Variants in WDR64 observed in about 807,000 individuals in gnomAD.
WDR64 encodes the protein WD repeat domain 64, also known as WD repeat-containing protein 64.
A neutral mutation model predicts 139.3 loss-of-function variants in WDR64; 112 were observed. The observed-to-expected ratio is 0.80, with a 90% CI of 0.69 to 0.94. The LOEUF is 0.94. Among genes scored for constraint, WDR64 ranks in the 40% least tolerant of loss-of-function variants. WDR64 has a pLI of 0.00. For missense variants in WDR64, 1,206 were observed against 1,293.1 expected, an observed-to-expected ratio of 0.93 and a Z score of 1.03; for synonymous variants, 444 against 437.7, an observed-to-expected ratio of 1.01 and a Z score of -0.18.
At chr1:241,767,277 A>G (rs570584612) in intron 16 of WDR64, among the ~76,000 whole-genome samples, 9 of 152,054 alleles carry the variant, frequency 5.9e-5, no homozygotes, top group Admixed American at 5.2e-4. Flanking sequence ...CTCTCAACCA[A>G]TTAGATTTAC....
intron 9 of WDR64, among the ~76,000 whole-genome samples, chr1:241,722,316 T>C (rs1221621493): frequency 6.6e-6 from 1 of 152,188 alleles, no homozygotes; most frequent in Non-Finnish European, 1.5e-5. Context: ...AATATATCAT[T>C]GATGGCCTTG....
intron 15 of WDR64, among the ~76,000 whole-genome samples, chr1:241,765,494 C>A (rs1421890901): frequency 1.3e-5 from 2 of 152,124 alleles, no homozygotes; most frequent in Non-Finnish European, 2.9e-5. Context: ...AGAGACACAG[C>A]AAAACCAGCA....
At chr1:241,676,487 C>A (rs571043033) in intron 4 of WDR64, 3 of 152,128 alleles carry the variant, frequency 2.0e-5, no homozygotes, top group Admixed American at 6.5e-5. Flanking sequence ...TCTTTTGTTA[C>A]CTTTATTACC....
At chr1:241,790,063 T>C (rs1028047213) in intron 24 of WDR64, among the ~76,000 whole-genome samples, 1 of 152,084 alleles carries the variant, frequency 6.6e-6, no homozygotes, top group East Asian at 1.9e-4. Context: ...TTTAAATACA[T>C]GAAATGGCCG....
rs1244724600 is a variant in WDR64 at position 241,711,863 on chromosome 1, A to T, written c.1036A>T (p.Asn346Tyr). The T allele has an allele frequency of 4.3e-6, 7 of 1,614,188 alleles. No homozygotes were observed. Among genetic ancestry groups the T allele is most frequent in the Non-Finnish European group, 5.9e-6 (7 of 1,180,034 alleles). ...ANTFCYCVKA[N>Y]VIVTGGDDKV... ...CACTTTTTGCTACTGTGTTAAGGCA[A>T]ATGTGATTGTCACTGGAGGTGAGAG... The change falls in exon 9 of 28, where the codon AAT (asparagine) becomes TAT (tyrosine). Residue 346 changes from asparagine (N) to tyrosine (Y), a missense_variant. By Grantham distance (143) the Asn-to-Tyr change is moderately radical. Transcript: ENST00000437684.
intron 8 of WDR64, among the ~76,000 whole-genome samples, chr1:241,701,286 A>G (rs61825800): frequency 0.077 from 11,645 of 151,634 alleles, 625 homozygotes; most frequent in South Asian, 0.14. Flanking sequence ...GCGCACACAC[A>G]CACACACACT....
chr1:241,691,282 C>T (rs1008938072), intron 8 of WDR64, among the ~76,000 whole-genome samples: 3 of 152,048 alleles, frequency 2.0e-5, no homozygotes, highest in South Asian at 2.1e-4. Flanking sequence ...TAATAGAAAA[C>T]AATAACAAAT....
At chr1:241,721,351 G>A (rs1574041019) in intron 9 of WDR64, among the ~76,000 whole-genome samples, 2 of 151,788 alleles carry the variant, frequency 1.3e-5, no homozygotes, top group African/African-American at 4.8e-5. Flanking sequence ...TGACTATTTT[G>A]AATTTTAGGC....
intron 8 of WDR64, among the ~76,000 whole-genome samples, chr1:241,697,079 T>A (rs1667521578): frequency 6.6e-6 from 1 of 152,186 alleles, no homozygotes; most frequent in Non-Finnish European, 1.5e-5. Flanking sequence ...TTCTTGGCCT[T>A]ACACCCTATC....
intron 14 of WDR64, among the ~76,000 whole-genome samples, chr1:241,756,556 T>C (rs1457237914): frequency 1.3e-5 from 2 of 151,910 alleles, no homozygotes; most frequent in Non-Finnish European, 2.9e-5. Flanking sequence ...AATTAAAGGG[T>C]CCCATTTCAT....
intron 22 of WDR64, 29 bp from the exon 23 acceptor site, chr1:241,783,243 G>C: frequency 6.3e-7 from 1 of 1,575,312 alleles, no homozygotes; most frequent in Non-Finnish European, 8.7e-7. Context: ...TAGTTATTCC[G>C]AGGAATATGC....
At position 241,794,502 on chromosome 1, in the gene WDR64, C is replaced by CTTTTTTTTTTTTTTTTTTTTTTTTT. The variant is rs1659299229; in HGVS notation, c.2998-704_2998-703insTTTTTTTTTTTTTTTTTTTTTTTTT. On this transcript the variant is annotated intron_variant, in intron 25 of 27. Transcript: ENST00000437684. ...AATGCCCCACATATTTTAAGCTTTACTGTTTTTTTTTTTTTTTTTTTTTTG... is the reference window on the plus strand; with the variant it reads ...AATGCCCCACATATTTTAAGCTTTACTTTTTTTTTTTTTTTTTTTTTTTTTTGTTTTTTTTTTTTTTTTTTTTTTG... 3.8e-5 allele frequency among the ~76,000 whole-genome samples: 4 copies of CTTTTTTTTTTTTTTTTTTTTTTTTT among 105,024 alleles called. 1 individual carries two copies. Among genetic ancestry groups the CTTTTTTTTTTTTTTTTTTTTTTTTT allele is most frequent in the Non-Finnish European group, 5.4e-5 (3 of 55,684 alleles). 68.9% of individuals were successfully genotyped at this position (105,024 alleles called of 152,430 possible).
intron 15 of WDR64, among the ~76,000 whole-genome samples, chr1:241,765,782 T>C (rs1025003790): frequency 1.3e-5 from 2 of 152,176 alleles, no homozygotes; most frequent in African/African-American, 4.8e-5. Context: ...ATCTAACAAA[T>C]ATTTGAGGCA....
intron 14 of WDR64, among the ~76,000 whole-genome samples, chr1:241,756,804 A>C (rs150062992): frequency 9.1e-4 from 139 of 152,324 alleles, no homozygotes; most frequent in African/African-American, 3.2e-3. Flanking sequence ...AGCAGTACCA[A>C]ATTGGCATCC....
At chr1:241,657,465 AT>A (rs1366061817) in intron 1 of WDR64, among the ~76,000 whole-genome samples, 4 of 151,996 alleles carry the variant, frequency 2.6e-5, no homozygotes, top group Non-Finnish European at 5.9e-5. Context: ...ACCTCACAGC[AT>A]TTTCCGCAGT....
rs369633474 is a variant in WDR64 at position 241,728,348 on chromosome 1, G to A, written c.1194+4912G>A. Among the ~76,000 whole-genome samples, 256 of 51,920 alleles carry A rather than the reference G, an allele frequency of 4.9e-3. 1 individual carries two copies. The East Asian group carries it at 0.057, about 12-fold the overall frequency. 34.1% of individuals were successfully genotyped at this position (51,920 alleles called of 152,430 possible). A position where few individuals can be genotyped will look rare whatever the true frequency, so the allele number is the denominator to read the frequency against. ...ACTCAGTCTCAGAAAAGAAGAAGAA[G>A]AAAAAAAAAGCAAACTAGGCACATA... On this transcript the variant is annotated intron_variant, in intron 10 of 27. Transcript: ENST00000437684.
chr1:241,790,817 A>G (rs184947282), intron 25 of WDR64, 121 bp downstream of exon 25: 1 of 768,776 alleles, frequency 1.3e-6, no homozygotes, highest in African/African-American at 1.8e-5. Context: ...TGGTATTACA[A>G]ATTACTATAA....
At chr1:241,712,561 G>A (rs1270582479) in intron 9 of WDR64, among the ~76,000 whole-genome samples, 1 of 152,160 alleles carries the variant, frequency 6.6e-6, no homozygotes, top group Non-Finnish European at 1.5e-5. Flanking sequence ...GAGTCAGACT[G>A]TATGGGTACA....
intron 11 of WDR64, among the ~76,000 whole-genome samples, chr1:241,739,061 T>C (rs951459120): frequency 3.3e-5 from 5 of 152,304 alleles, no homozygotes; most frequent in East Asian, 1.9e-4. Context: ...CACTACTCAG[T>C]AGGAAAAGTG....
Sources: gnomAD v4.1 joint callset for allele counts (sites outside exome capture counted in the v4.1 genomes callset) on GRCh38, gnomAD v4.1.1 for gene constraint, MANE v1.5 for transcripts, NCBI Gene and HGNC (gene_info 2026-07-23, HGNC 2026-07-21) for gene names.